Variants in PSD3 observed in about 807,000 individuals in gnomAD.
PSD3 encodes pleckstrin and Sec7 domain containing 3.
PSD3 carries 49 observed loss-of-function variants against 105.5 expected under a neutral mutation model. The observed-to-expected ratio is 0.46, with a 90% CI of 0.37 to 0.59. The LOEUF (loss-of-function observed/expected upper bound fraction) is 0.59, where lower values mean the gene tolerates loss of function less well. Ranked by LOEUF, PSD3 falls within the 20% of genes least tolerant of loss-of-function variation. PSD3 has a pLI of 0.00. For synonymous variants in PSD3, 557 were observed against 457.8 expected (o/e 1.22, Z -2.77); for missense variants, 1,561 against 1,263.8 (o/e 1.24, Z -3.57).
At position 18,611,158 on chromosome 8, in the gene PSD3, A is replaced by G. The variant is rs146912117; in HGVS notation, c.2411-10724T>C. 4.2e-3 allele frequency among the ~76,000 whole-genome samples: 645 copies of G among 152,226 alleles called. 4 individuals carry two copies. Among genetic ancestry groups the G allele is most frequent in the African/African-American group, 0.015 (618 of 41,556 alleles). ...AATCACAGTGGGGATTCCAGGAGGT[A>G]AAACAAGGAGGAGGTCATTAATTCT... is the stretch of plus-strand genomic sequence containing the variant. On this transcript the variant is annotated intron_variant, in intron 11 of 15. Coordinates refer to ENST00000327040, the MANE Select transcript of PSD3 (RefSeq NM_015310.4).
intron 4 of PSD3, chr8:18,808,611 G>C (rs1242878303): frequency 4.5e-6 from 5 of 1,122,894 alleles, no homozygotes; most frequent in East Asian, 2.7e-5. Context: ...TCAGTAAAAG[G>C]AGAAAATAAA....
chr8:18,716,786 G>A (rs189077914), intron 9 of PSD3, among the ~76,000 whole-genome samples: 41 of 152,280 alleles, frequency 2.7e-4, no homozygotes, highest in South Asian at 1.0e-3. Context: ...CAATTTTAAA[G>A]TGACTTCATT....
chr8:18,934,882 G>A (rs925575896), intron 2 of PSD3, among the ~76,000 whole-genome samples: 4 of 152,150 alleles, frequency 2.6e-5, no homozygotes, highest in East Asian at 1.9e-4. Context: ...AAAATTACAC[G>A]TTTTGAAATT....
At chr8:18,884,947 T>C (rs1459899018) in intron 2 of PSD3, among the ~76,000 whole-genome samples, 1 of 152,186 alleles carries the variant, frequency 6.6e-6, no homozygotes, top group East Asian at 1.9e-4. Context: ...TTTTAAACCG[T>C]AGTCTCTGCA....
intron 1 of PSD3, among the ~76,000 whole-genome samples, chr8:19,080,820 G>A (rs372845244): frequency 3.9e-5 from 6 of 152,034 alleles, no homozygotes; most frequent in African/African-American, 1.4e-4. Context: ...AAAAATGAGG[G>A]ACATTAAAAA....
At chr8:18,890,736 T>C (rs1427899151) in intron 2 of PSD3, among the ~76,000 whole-genome samples, 1 of 151,974 alleles carries the variant, frequency 6.6e-6, no homozygotes, top group Non-Finnish European at 1.5e-5. Context: ...GCTAAGCTCA[T>C]TGTCTTGAGT....
chr8:18,544,015 C>G (rs1451386162), intron 15 of PSD3, among the ~76,000 whole-genome samples: 1 of 152,058 alleles, frequency 6.6e-6, no homozygotes, highest in Non-Finnish European at 1.5e-5. Context: ...CTCTAGCAAC[C>G]AAATCCTGAA....
At chr8:18,714,784 A>G (rs1802483447) in intron 9 of PSD3, among the ~76,000 whole-genome samples, 1 of 152,224 alleles carries the variant, frequency 6.6e-6, no homozygotes, top group Non-Finnish European at 1.5e-5. Context: ...TACTGGGTAT[A>G]TACCCAAAGG....
Position 18,814,874 on chromosome 8 carries a change from T to C in PSD3, c.1635-9976A>G, listed in dbSNP as rs185177748. Among the ~76,000 whole-genome samples the C allele has an allele frequency of 3.9e-3, 589 of 152,310 alleles. 6 individuals carry two copies. Among genetic ancestry groups the C allele is most frequent in the Non-Finnish European group, 6.5e-3 (439 of 68,014 alleles). On this transcript the variant is annotated intron_variant, in intron 4 of 15. Transcript: ENST00000327040. ...CAGGTTGAATTAGTATCAGTGTATA[T>C]GCACTGGACATCAGAAGCTGGGCAG...
At chr8:18,958,181 G>A (rs1823695599) in intron 1 of PSD3, among the ~76,000 whole-genome samples, 3 of 152,098 alleles carry the variant, frequency 2.0e-5, no homozygotes, top group Admixed American at 6.6e-5. Context: ...GAAAAACCTT[G>A]TGTGCTACAC....
At chr8:18,575,984 A>G (rs1486010964) in intron 12 of PSD3, among the ~76,000 whole-genome samples, 1 of 152,174 alleles carries the variant, frequency 6.6e-6, no homozygotes, top group African/African-American at 2.4e-5. Context: ...TATCAAAAAC[A>G]AGATAAACAT....
At chr8:18,687,924 T>C (rs1338533646) in intron 9 of PSD3, among the ~76,000 whole-genome samples, 1 of 152,024 alleles carries the variant, frequency 6.6e-6, no homozygotes, top group Admixed American at 6.6e-5. Flanking sequence ...CCTGCCACCA[T>C]GCCTGGGTAA....
At chr8:18,658,312 C>T (rs1328521386) in intron 9 of PSD3, among the ~76,000 whole-genome samples, 2 of 152,128 alleles carry the variant, frequency 1.3e-5, no homozygotes, top group East Asian at 3.8e-4. Context: ...AACTTAAATA[C>T]ACTCTCAACA....
rs1319094904 is a variant in PSD3, at chr8:18,787,994, T to G, written c.2082+11301A>C. 3.3e-5 allele frequency among the ~76,000 whole-genome samples: 5 copies of G among 152,200 alleles called. 1 individual carries two copies. The highest frequency in any genetic ancestry group is 7.3e-5 in the Non-Finnish European group (5 of 68,040). ...CAAGTCATATATTCTGTTACAGTTA[T>G]TCAACACTATAATTGGTGTGAAGAT... is the stretch of plus-strand genomic sequence containing the variant. On this transcript the variant is annotated intron_variant, in intron 8 of 15. Transcript: ENST00000327040.
chr8:19,042,453 T>G (rs960616107), intron 1 of PSD3, among the ~76,000 whole-genome samples: 2 of 151,976 alleles, frequency 1.3e-5, no homozygotes, highest in African/African-American at 4.8e-5. Flanking sequence ...GTAAAGAAAA[T>G]GATATGTAAC....
chr8:18,966,390 C>T lies in PSD3; in HGVS notation c.22-30248G>A, dbSNP rs72500142. 1.1e-3 allele frequency among the ~76,000 whole-genome samples: 162 copies of T among 151,996 alleles called. 2 individuals are homozygous for T. The East Asian group carries it at 0.029, about 27-fold the overall frequency. ...TTCAAGAACAGCCTGGCCAACACTG[C>T]GAAATCCCCATCTCTACTAAAAATA... On this transcript the variant is annotated intron_variant, in intron 1 of 15. Transcript: ENST00000327040.
intron 4 of PSD3, among the ~76,000 whole-genome samples, chr8:18,834,213 G>C (rs1813908384): frequency 6.6e-6 from 1 of 152,154 alleles, no homozygotes; most frequent in South Asian, 2.1e-4. Context: ...TCCTCATAAA[G>C]AAGGTATTTC....
chr8:18,653,134 A>C (rs183664214), intron 10 of PSD3, among the ~76,000 whole-genome samples: 2 of 152,296 alleles, frequency 1.3e-5, no homozygotes, highest in African/African-American at 2.4e-5. Context: ...TATCTGCTTG[A>C]TAGAGCAGTA....
intron 12 of PSD3, among the ~76,000 whole-genome samples, chr8:18,579,178 T>C (rs1198900498): frequency 6.7e-6 from 1 of 149,546 alleles, no homozygotes; most frequent in African/African-American, 2.5e-5. Context: ...GGGTTGACAA[T>C]TGGATTAAAA....
Sources: allele counts gnomAD v4.1 joint callset (sites outside exome capture counted in the v4.1 genomes callset), GRCh38; gene constraint gnomAD v4.1.1; transcripts MANE v1.5; gene names NCBI Gene and HGNC (gene_info 2026-07-23, HGNC 2026-07-21).